RUFY2: variants seen among roughly 807,000 people sequenced by gnomAD.
RUFY2 encodes the protein RUN and FYVE domain-containing protein 2.
Under a neutral mutation model 94.4 loss-of-function variants are expected in RUFY2, and 49 were observed. The observed-to-expected ratio is 0.52, with a 90% CI of 0.41 to 0.66. The LOEUF (loss-of-function observed/expected upper bound fraction) is 0.66. RUFY2 is among the 30% of genes least tolerant of loss of function. The pLI is 0.00. For synonymous variants in RUFY2, 255 were observed against 235.7 expected, an observed-to-expected ratio of 1.08 and a Z score of -0.75; for missense variants, 541 against 692.8, an observed-to-expected ratio of 0.78 and a Z score of 2.46.
At chr10:68,383,049 G>A (rs201561689) in intron 10 of RUFY2, among the ~76,000 whole-genome samples, 1 of 152,170 alleles carries the variant, frequency 6.6e-6, no homozygotes, top group Non-Finnish European at 1.5e-5. Flanking sequence ...TACAGGTCAG[G>A]CACAGTGGCT....
chr10:68,386,002 A>G, intron 8 of RUFY2, 57 bp downstream of exon 8: 2 of 1,174,766 alleles, frequency 1.7e-6, no homozygotes, highest in South Asian at 2.7e-5. Context: ...CATACTTAAA[A>G]TGGAAAAGGA....
At chr10:68,355,913 CAAA>C (rs368423105) in intron 15 of RUFY2, among the ~76,000 whole-genome samples, 2 of 76,702 alleles carry the variant, frequency 2.6e-5, no homozygotes, top group Non-Finnish European at 5.7e-5. Flanking sequence ...GACTCCATCT[CAAA>C]AAAAAAAAAA....
At chr10:68,406,653 C>T (rs2051336758) in intron 1 of RUFY2, 2 of 1,156,844 alleles carry the variant, frequency 1.7e-6, no homozygotes, top group East Asian at 2.8e-5. Context: ...CGCACCTTGC[C>T]GGGGCCTAGA....
At chr10:68,370,987 C>T (rs2048228591) in intron 13 of RUFY2, among the ~76,000 whole-genome samples, 1 of 151,830 alleles carries the variant, frequency 6.6e-6, no homozygotes, top group African/African-American at 2.4e-5. Context: ...AAAAAATTAG[C>T]CGGGTGTGGT....
chr10:68,341,892 A>G, downstream of RUFY2: 1 of 1,588,942 alleles, frequency 6.3e-7, no homozygotes, highest in South Asian at 1.1e-5. Flanking sequence ...CCGCATATGT[A>G]GTGCAAACTT....
At chr10:68,349,287 G>A (rs1423111000) in intron 16 of RUFY2, among the ~76,000 whole-genome samples, 2 of 152,200 alleles carry the variant, frequency 1.3e-5, no homozygotes, top group African/African-American at 2.4e-5. Flanking sequence ...AGACTGAGAC[G>A]GAAGGATCGC....
chr10:68,394,264 T>C, intron 5 of RUFY2, 64 bp downstream of exon 5: 1 of 1,607,504 alleles, frequency 6.2e-7, no homozygotes. Context: ...AAATGACACC[T>C]GATCAAGGAG....
At chr10:68,364,746 G>A (rs1461732182) in intron 13 of RUFY2, among the ~76,000 whole-genome samples, 2 of 151,134 alleles carry the variant, frequency 1.3e-5, no homozygotes, top group Non-Finnish European at 2.9e-5. Flanking sequence ...TCTGAGACAG[G>A]GTCTTGCTAT....
chr10:68,349,110 A>G (rs137936409), intron 16 of RUFY2, among the ~76,000 whole-genome samples: 107 of 152,342 alleles, frequency 7.0e-4, no homozygotes, highest in Non-Finnish European at 1.1e-3. Context: ...GGTGAGGCCT[A>G]CCAGTTTTTA....
Position 68,382,125 on chromosome 10 carries a change from T to C in RUFY2, c.940-726A>G, listed in dbSNP as rs570627474. Among the ~76,000 whole-genome samples, 28 of 151,198 alleles carry C rather than the reference T, an allele frequency of 1.9e-4. No individual in the cohort carries two copies. In the East Asian group the frequency reaches 4.8e-3, roughly 26 times the overall value. ...GTGCAGTGGCACCATCTTGGCCCAC[T>C]GCAAGCTCCGCCTCCCAAGTTCATG... is the stretch of plus-strand genomic sequence containing the variant. On this transcript the variant is annotated intron_variant, in intron 10 of 17. Coordinates refer to ENST00000602465, the MANE Select transcript of RUFY2 (RefSeq NM_001330103.2).
chr10:68,341,520 C>T (rs375612030), downstream of RUFY2: 1 of 1,179,296 alleles, frequency 8.5e-7, no homozygotes, highest in Non-Finnish European at 1.2e-6. Flanking sequence ...TTTTACAAAG[C>T]TTGTATTGAT....
At chr10:68,366,783 AATT>A (rs2047866860) in intron 13 of RUFY2, among the ~76,000 whole-genome samples, 2 of 99,660 alleles carry the variant, frequency 2.0e-5, no homozygotes, top group African/African-American at 7.7e-5. Flanking sequence ...TTAAATAAAT[AATT>A]AATAATATAT....
intron 3 of RUFY2, among the ~76,000 whole-genome samples, chr10:68,397,321 T>C (rs987815562): frequency 6.6e-6 from 1 of 152,232 alleles, no homozygotes; most frequent in Non-Finnish European, 1.5e-5. Context: ...TTTGTGTATC[T>C]AAACACAGCT....
rs962343638 is a variant in RUFY2, at chr10:68,377,431, G to A, written c.1206-459C>T. On this transcript the variant is annotated intron_variant, in intron 12 of 17. Coordinates refer to ENST00000602465, the MANE Select transcript of RUFY2 (RefSeq NM_001330103.2). ...AATCAAGTGTGCTACAAGGCCAAGA[G>A]CAAAGACCTGCAATTACTCCAAATG... The A allele has an allele frequency of 4.0e-6, 4 of 996,252 alleles. No individual in the cohort carries two copies. The African/African-American group carries it at 7.0e-5, about 17-fold the overall frequency. The allele number at this position is 996,252 out of a possible 1,614,324, so 61.7% of individuals were successfully genotyped here. A position where few individuals can be genotyped will look rare whatever the true frequency, so the allele number is the denominator to read the frequency against.
chr10:68,379,677 A>G (rs2048900489), intron 11 of RUFY2, among the ~76,000 whole-genome samples, 156 bp from the exon 12 acceptor site: 1 of 152,050 alleles, frequency 6.6e-6, no homozygotes, highest in Non-Finnish European at 1.5e-5. Flanking sequence ...CAGCCTCCCA[A>G]GTAGAGTTCT....
chr10:68,352,054 CAA>C (rs147046243), intron 16 of RUFY2, among the ~76,000 whole-genome samples: 10 of 93,344 alleles, frequency 1.1e-4, no homozygotes, highest in East Asian at 2.9e-4. Flanking sequence ...AAGACTGTCT[CAA>C]AAAAAAAAAA....
chr10:68,404,951 T>C lies in RUFY2; in HGVS notation c.5-107A>G. ...AAACCAACAGTAGTTTGCTGTTCCTTGGTTGACAAATTCTCCCCAGCTAAA... is the reference window on the plus strand; with the variant it reads ...AAACCAACAGTAGTTTGCTGTTCCTCGGTTGACAAATTCTCCCCAGCTAAA... On this transcript the variant is annotated intron_variant, in intron 1 of 17. Transcript: ENST00000602465. 3 of 886,608 alleles carry C rather than the reference T, an allele frequency of 3.4e-6. No individual in the cohort carries two copies. In the East Asian group the frequency reaches 8.4e-5, roughly 25 times the overall value. The allele number at this position is 886,608 out of a possible 1,614,324, so 54.9% of individuals were successfully genotyped here.
chr10:68,380,270 C>T (rs139609176), intron 11 of RUFY2, among the ~76,000 whole-genome samples: 7 of 150,666 alleles, frequency 4.6e-5, no homozygotes, highest in Non-Finnish European at 7.4e-5. Context: ...TGTAATAGGC[C>T]GGGTGCAGTG....
chr10:68,374,253 T>C (rs144184258), intron 13 of RUFY2, among the ~76,000 whole-genome samples: 1,529 of 150,562 alleles, frequency 0.01, 16 homozygotes, highest in Middle Eastern at 0.038. Flanking sequence ...CTGGGCAGCA[T>C]AGCAAGACCC....
Sources: allele counts gnomAD v4.1 joint callset (sites outside exome capture counted in the v4.1 genomes callset), GRCh38; gene constraint gnomAD v4.1.1; transcripts MANE v1.5; gene names NCBI Gene and HGNC (gene_info 2026-07-23, HGNC 2026-07-21).